Variants in CHN2 observed in about 807,000 individuals in gnomAD.
The protein encoded by CHN2 is beta-chimaerin.
A neutral mutation model predicts 56.3 loss-of-function variants in CHN2; 35 were observed. The ratio of observed to expected loss-of-function variants is 0.62; its 90% CI spans 0.47 to 0.82. The LOEUF is 0.82. Ranked by LOEUF, CHN2 falls within the 40% of genes least tolerant of loss-of-function variation. The pLI, the probability that CHN2 is intolerant of heterozygous loss-of-function variation, is 0.00. For missense variants in CHN2, 491 were observed against 580.5 expected, an observed-to-expected ratio of 0.85 and a Z score of 1.58; for synonymous variants, 210 against 212.8, an observed-to-expected ratio of 0.99 and a Z score of 0.12.
chr7:29,249,313 G>A (rs1267545553), intron 1 of CHN2, among the ~76,000 whole-genome samples: 2 of 152,192 alleles, frequency 1.3e-5, no homozygotes, highest in African/African-American at 2.4e-5. Flanking sequence ...AAGCCAGGGA[G>A]CCTGGGCTTA....
chr7:29,480,032 C>A, intron 6 of CHN2: 1 of 1,527,144 alleles, frequency 6.5e-7, no homozygotes, highest in African/African-American at 1.4e-5. Flanking sequence ...CTAACATAAG[C>A]TGCGGTTCGA....
intron 1 of CHN2, among the ~76,000 whole-genome samples, chr7:29,200,453 C>T (rs957105115): frequency 6.1e-5 from 8 of 131,742 alleles, no homozygotes; most frequent in South Asian, 2.8e-4. Context: ...TCCCTCCCTT[C>T]GCCCCTTCCC....
intron 1 of CHN2, among the ~76,000 whole-genome samples, chr7:29,341,037 G>C (rs1351446240): frequency 1.3e-5 from 2 of 152,312 alleles, no homozygotes; most frequent in African/African-American, 4.8e-5. Context: ...TATATTCACA[G>C]ATGGGAAAAC....
At chr7:29,368,606 T>A (rs1799363943) in intron 3 of CHN2, among the ~76,000 whole-genome samples, 1 of 152,120 alleles carries the variant, frequency 6.6e-6, no homozygotes, top group South Asian at 2.1e-4. Context: ...GGCCCATGGG[T>A]CCTTGCTTAC....
intron 1 of CHN2, among the ~76,000 whole-genome samples, chr7:29,204,067 C>CTGTGTGTGTG (rs55930139): frequency 6.2e-5 from 8 of 128,854 alleles, no homozygotes; most frequent in African/African-American, 2.1e-4. Context: ...TTCTCTCTCT[C>CTGTGTGTGTG]TGTGTGTGTG....
At chr7:29,478,320 T>C (rs1786778549) in intron 6 of CHN2, among the ~76,000 whole-genome samples, 1 of 151,272 alleles carries the variant, frequency 6.6e-6, no homozygotes, top group South Asian at 2.1e-4. Flanking sequence ...CTGGGTACAT[T>C]AGGATCAGCT....
At chr7:29,399,724 G>T (rs1585265484) in intron 5 of CHN2, among the ~76,000 whole-genome samples, 1 of 152,280 alleles carries the variant, frequency 6.6e-6, no homozygotes, top group East Asian at 1.9e-4. Flanking sequence ...TTATGGCTGT[G>T]CAATGACACT....
intron 6 of CHN2, among the ~76,000 whole-genome samples, chr7:29,456,363 G>A (rs980353386): frequency 2.0e-5 from 3 of 152,192 alleles, no homozygotes; most frequent in Non-Finnish European, 4.4e-5. Context: ...TGCTCTGTGT[G>A]TTAGACGTCA....
intron 6 of CHN2, among the ~76,000 whole-genome samples, chr7:29,473,487 T>TTTTTTG (rs1786328437): frequency 7.6e-6 from 1 of 131,974 alleles, no homozygotes; most frequent in African/African-American, 2.9e-5. Flanking sequence ...TTTTTTTGTG[T>TTTTTTG]GTGTGTGTGT....
chr7:29,334,049 C>CTTTTTT (rs70980529), intron 1 of CHN2, among the ~76,000 whole-genome samples: 68 of 123,112 alleles, frequency 5.5e-4, no homozygotes, highest in African/African-American at 1.2e-3. Flanking sequence ...AATTTCTTTT[C>CTTTTTT]TTTTTTTTTT....
chr7:29,247,784 A>G (rs541403376), intron 1 of CHN2, among the ~76,000 whole-genome samples: 10 of 152,328 alleles, frequency 6.6e-5, no homozygotes, highest in African/African-American at 2.4e-4. Flanking sequence ...TTCTCTTTCC[A>G]TGGCTTTGCT....
At chr7:29,295,513 A>G (rs982065332) in intron 1 of CHN2, among the ~76,000 whole-genome samples, 32 of 152,088 alleles carry the variant, frequency 2.1e-4, no homozygotes, top group African/African-American at 7.5e-4. Context: ...CTGTGATCTC[A>G]GCACTTTGGG....
rs766082938 is a variant in CHN2, at chr7:29,512,465, C to T, written c.1236-99C>T. 6.7e-6 allele frequency: 7 copies of T among 1,041,888 alleles called. No individual in the cohort carries two copies. The African/African-American group carries it at 8.1e-5, about 12-fold the overall frequency. 64.5% of individuals were successfully genotyped at this position (1,041,888 alleles called of 1,614,324 possible). On this transcript the variant is annotated intron_variant, in intron 12 of 12. Transcript: ENST00000222792. Reference sequence around the variant, plus strand: ...TTCCCAATCTTTTTCTTGCAATTTCCTGAACCAGAGATGTTATCGGGACTT... The same window carrying T: ...TTCCCAATCTTTTTCTTGCAATTTCTTGAACCAGAGATGTTATCGGGACTT...
intron 6 of CHN2, among the ~76,000 whole-genome samples, chr7:29,439,519 C>T (rs1033126072): frequency 1.7e-4 from 26 of 152,114 alleles, no homozygotes; most frequent in African/African-American, 5.1e-4. Context: ...GCTCCAGTGT[C>T]GCCCCTCTAA....
intron 6 of CHN2, among the ~76,000 whole-genome samples, chr7:29,456,493 T>C (rs1452860710): frequency 6.6e-6 from 1 of 152,148 alleles, no homozygotes; most frequent in Non-Finnish European, 1.5e-5. Context: ...CCTGTGCCCA[T>C]TCATGCTCCA....
intron 1 of CHN2, among the ~76,000 whole-genome samples, chr7:29,280,226 A>G (rs1791579095): frequency 6.6e-6 from 1 of 152,030 alleles, no homozygotes; most frequent in Non-Finnish European, 1.5e-5. Context: ...TCTACTAAAA[A>G]TACAAAAATT....
At position 29,394,648 on chromosome 7, in the gene CHN2, G is replaced by A. The variant is rs188767633; in HGVS notation, c.176+938G>A. On this transcript the variant is annotated intron_variant, in intron 4 of 12. Coordinates refer to ENST00000222792, the MANE Select transcript of CHN2 (RefSeq NM_004067.4). ...TGCCTGCCTGGGGGCACTGGCCTCC[G>A]CTCCTCTCTACCCCATGCCCCTACT... is the stretch of plus-strand genomic sequence containing the variant. Among the ~76,000 whole-genome samples, 188 of 152,296 alleles carry A rather than the reference G, an allele frequency of 1.2e-3. 1 individual carries two copies. Among genetic ancestry groups the A allele is most frequent in the Middle Eastern group, 0.01 (3 of 294 alleles).
At chr7:29,306,531 G>A (rs1449927305) in intron 1 of CHN2, among the ~76,000 whole-genome samples, 1 of 152,158 alleles carries the variant, frequency 6.6e-6, no homozygotes, top group African/African-American at 2.4e-5. Flanking sequence ...AAACTGAGAG[G>A]AGGGGCTGTG....
chr7:29,239,830 C>A (rs1036560858), intron 1 of CHN2, among the ~76,000 whole-genome samples: 1 of 152,164 alleles, frequency 6.6e-6, no homozygotes, highest in South Asian at 2.1e-4. Context: ...AGCACATGCC[C>A]CACCTAAAGA....
Sources: allele counts gnomAD v4.1 joint callset (sites outside exome capture counted in the v4.1 genomes callset), GRCh38; gene constraint gnomAD v4.1.1; transcripts MANE v1.5; gene names NCBI Gene and HGNC (gene_info 2026-07-23, HGNC 2026-07-21).